Variants in CHRDL2 observed in about 807,000 individuals in gnomAD.
The protein encoded by CHRDL2 is chordin like 2.
In CHRDL2, 41 loss-of-function variants were observed where a neutral mutation model predicts 54.3. That is an observed-to-expected ratio of 0.76 (90% CI 0.59 to 0.98). CHRDL2 has a LOEUF of 0.98. CHRDL2 is among the 50% of genes least tolerant of loss of function. The probability of loss-of-function intolerance (pLI) is 0.00; values close to 1 mark genes in which losing one functional copy is unlikely to be tolerated. For missense variants in CHRDL2, 518 were observed against 562.4 expected, an observed-to-expected ratio of 0.92 and a Z score of 0.80; for synonymous variants, 220 against 224.3, an observed-to-expected ratio of 0.98 and a Z score of 0.17.
intron 1 of CHRDL2, among the ~76,000 whole-genome samples, chr11:74,727,395 GAAA>G (rs1262395638): frequency 2.0e-5 from 3 of 151,798 alleles, no homozygotes; most frequent in Admixed American, 2.0e-4. Flanking sequence ...AACCCTTGAA[GAAA>G]AAAAATACAT....
chr11:74,718,866 G>A lies in CHRDL2; in HGVS notation c.83-34C>T, dbSNP rs1314046572. On this transcript the variant is annotated intron_variant, in intron 1 of 10. Coordinates refer to ENST00000376332, the MANE Select transcript of CHRDL2 (RefSeq NM_001278473.3). Reference sequence around the variant, plus strand: ...CCGACCAGTGCCATGTTAGTCCCAGGAGGCTCCAGCCCAAAGACCCTGTCT... The same window carrying A: ...CCGACCAGTGCCATGTTAGTCCCAGAAGGCTCCAGCCCAAAGACCCTGTCT... The A allele has an allele frequency of 9.5e-6, 13 of 1,372,410 alleles. No homozygotes were observed. The Admixed American group carries it at 1.1e-4, about 12-fold the overall frequency. 85.0% of individuals were successfully genotyped at this position (1,372,410 alleles called of 1,614,324 possible).
chr11:74,713,278 G>T, intron 3 of CHRDL2, 108 bp downstream of exon 3: 1 of 916,124 alleles, frequency 1.1e-6, no homozygotes. Flanking sequence ...CTACACCTCT[G>T]ATGGGTAGAG....
intron 6 of CHRDL2, among the ~76,000 whole-genome samples, chr11:74,706,084 G>C (rs76138714): frequency 1.3e-5 from 2 of 152,064 alleles, no homozygotes; most frequent in African/African-American, 4.8e-5. Flanking sequence ...CAGAGAGGCA[G>C]GCTCTAAAGA....
In CHRDL2 at chr11:74,703,291, G is replaced by A. The variant is rs939832842; in HGVS notation, c.946+14C>T. ...CTGGCCAGCGCCCTCCTTGCTCCCA[G>A]TGCCCCTGTGTACCTGGGCAAATCT... On this transcript the variant is annotated intron_variant, in intron 8 of 10. Transcript: ENST00000376332. The A allele has an allele frequency of 6.3e-7, 1 of 1,582,162 alleles. No individual in the cohort carries two copies. Among genetic ancestry groups the A allele is most frequent in the African/African-American group, 1.3e-5 (1 of 74,202 alleles).
In CHRDL2 at chr11:74,716,577, A is replaced by G. The variant is rs114169477; in HGVS notation, c.195+2143T>C. On this transcript the variant is annotated intron_variant, in intron 2 of 10. Coordinates refer to ENST00000376332, the MANE Select transcript of CHRDL2 (RefSeq NM_001278473.3). ...AAAAAAAAGAAAGAAAAGAAAAGAA[A>G]TTGGAGAATAAGACAGAAGCAGAGC... Among the ~76,000 whole-genome samples the G allele has an allele frequency of 6.1e-3, 930 of 151,236 alleles. 10 individuals are homozygous for G. The highest frequency in any genetic ancestry group is 0.021 in the African/African-American group (879 of 41,158).
At chr11:74,697,503 G>A in intron 9 of CHRDL2, 1 of 586,010 alleles carries the variant, frequency 1.7e-6, no homozygotes. Context: ...TCAGGCCCCT[G>A]TTGTCTTGTC....
At chr11:74,709,040 C>CT (rs1401699527) in intron 4 of CHRDL2, among the ~76,000 whole-genome samples, 1 of 152,246 alleles carries the variant, frequency 6.6e-6, no homozygotes, top group Non-Finnish European at 1.5e-5. Context: ...CACAACGTGC[C>CT]TGGGGGGAAG....
chr11:74,701,151 A>G (rs966391603), intron 9 of CHRDL2: 21 of 155,410 alleles, frequency 1.4e-4, no homozygotes, highest in African/African-American at 4.6e-4. Flanking sequence ...GATATGGTGG[A>G]ATGAGAAGAC....
At chr11:74,721,027 T>C (rs2034489476) in intron 1 of CHRDL2, among the ~76,000 whole-genome samples, 1 of 152,100 alleles carries the variant, frequency 6.6e-6, no homozygotes, top group Non-Finnish European at 1.5e-5. Context: ...GCCATTCCCT[T>C]CCCAACTCCG....
chr11:74,701,520 G>A (rs1297974498), intron 9 of CHRDL2: 2 of 696,674 alleles, frequency 2.9e-6, no homozygotes, highest in African/African-American at 1.8e-5. Context: ...ACGACAGGGG[G>A]CAGAGTAGAG....
intron 4 of CHRDL2, among the ~76,000 whole-genome samples, chr11:74,708,738 T>C (rs944610049): frequency 2.0e-5 from 3 of 152,160 alleles, no homozygotes; most frequent in African/African-American, 7.2e-5. Flanking sequence ...AGAAAGACAG[T>C]TGGGGCCCAG....
intron 1 of CHRDL2, chr11:74,719,371 C>G: frequency 7.5e-6 from 1 of 132,616 alleles, no homozygotes; most frequent in South Asian, 2.6e-4. Flanking sequence ...TCTCCCATCC[C>G]CCTCCCCTGT....
At chr11:74,706,065 A>T (rs1041708554) in intron 6 of CHRDL2, among the ~76,000 whole-genome samples, 1 of 151,998 alleles carries the variant, frequency 6.6e-6, no homozygotes, top group Non-Finnish European at 1.5e-5. Context: ...GCCAAGATAC[A>T]GGGGGGTACA....
intron 1 of CHRDL2, among the ~76,000 whole-genome samples, chr11:74,728,223 G>A (rs765234927): frequency 2.6e-5 from 4 of 152,276 alleles, no homozygotes; most frequent in East Asian, 1.9e-4. Context: ...TCAGGGCTCC[G>A]ACACCTCAGG....
chr11:74,720,275 A>C (rs529540496), intron 1 of CHRDL2: 4 of 153,136 alleles, frequency 2.6e-5, no homozygotes, highest in African/African-American at 4.8e-5. Flanking sequence ...TCACAAAGCC[A>C]CTGCAAAATG....
In CHRDL2 at chr11:74,730,996, G is replaced by A; in HGVS notation, c.-108C>T. ...CAGATCAACCCACAGACCCCAGGAG[G>A]TCTGCTGCTAGAGCGGGGTCGGAGA... On this transcript the variant is annotated 5_prime_UTR_variant, in exon 1 of 11. Coordinates refer to ENST00000376332, the MANE Select transcript of CHRDL2 (RefSeq NM_001278473.3). 2.3e-6 allele frequency: 2 copies of A among 882,918 alleles called. No homozygotes were observed. The highest frequency in any genetic ancestry group is 2.7e-5 in the East Asian group (1 of 37,390). The allele number at this position is 882,918 out of a possible 1,614,324, so 54.7% of individuals were successfully genotyped here. A position where few individuals can be genotyped will look rare whatever the true frequency, so the allele number is the denominator to read the frequency against.
chr11:74,714,530 CCT>C, intron 2 of CHRDL2, among the ~76,000 whole-genome samples: 1 of 152,304 alleles, frequency 6.6e-6, no homozygotes, highest in South Asian at 2.1e-4. Flanking sequence ...CATGGAAGAC[CCT>C]TGACTGGCCC....
At chr11:74,712,319 G>A (rs2034218831) in intron 3 of CHRDL2, among the ~76,000 whole-genome samples, 1 of 152,108 alleles carries the variant, frequency 6.6e-6, no homozygotes, top group African/African-American at 2.4e-5. Context: ...ACGGTGAGCA[G>A]AGTCTTGAAG....
intron 2 of CHRDL2, among the ~76,000 whole-genome samples, chr11:74,717,155 G>A (rs370667976): frequency 3.9e-5 from 6 of 152,142 alleles, no homozygotes; most frequent in African/African-American, 1.2e-4. Context: ...ATGGATTTAG[G>A]GGGGGAAACA....
Sources: gnomAD v4.1 joint callset for allele counts (sites outside exome capture counted in the v4.1 genomes callset) on GRCh38, gnomAD v4.1.1 for gene constraint, MANE v1.5 for transcripts, NCBI Gene and HGNC (gene_info 2026-07-23, HGNC 2026-07-21) for gene names.